Variants in CWF19L2 observed in about 807,000 individuals in gnomAD.
CWF19L2 encodes CWF19 like cell cycle control factor 2, also known as CWF19-like protein 2.
In CWF19L2, 98 loss-of-function variants were observed where a neutral mutation model predicts 111.7. That is an observed-to-expected ratio of 0.88 (90% CI 0.75 to 1.04). The LOEUF (loss-of-function observed/expected upper bound fraction) is 1.04. CWF19L2 is among the 50% of genes least tolerant of loss of function. The pLI, the probability that CWF19L2 is intolerant of heterozygous loss-of-function variation, is 0.00. For missense variants in CWF19L2, 1,101 were observed against 1,051.4 expected (o/e 1.05, Z -0.65); for synonymous variants, 351 against 342.9 (o/e 1.02, Z -0.26).
At position 107,371,012 on chromosome 11, in the gene CWF19L2, CTTTTTTTTT is replaced by C. The variant is rs577136063; in HGVS notation, c.1873-17285_1873-17277del. Among the ~76,000 whole-genome samples, 3 of 100,030 alleles carry C rather than the reference CTTTTTTTTT, an allele frequency of 3.0e-5. No homozygotes were observed. In the South Asian group the frequency reaches 1.1e-3, roughly 37 times the overall value. 65.6% of individuals were successfully genotyped at this position (100,030 alleles called of 152,430 possible). ...CACGATGTTAAGATTTCTAGTTTCTCTTTTTTTTTTTTTTTTTTTGAGACGGAGTCTCAC... is the reference window on the plus strand; with the variant it reads ...CACGATGTTAAGATTTCTAGTTTCTCTTTTTTTTTTGAGACGGAGTCTCAC... On this transcript the variant is annotated intron_variant, in intron 12 of 17. Coordinates refer to ENST00000282251, the MANE Select transcript of CWF19L2 (RefSeq NM_152434.3).
chr11:107,398,731 A>G (rs911112251), intron 10 of CWF19L2, among the ~76,000 whole-genome samples: 16 of 152,238 alleles, frequency 1.1e-4, no homozygotes, highest in African/African-American at 3.6e-4. Context: ...GCACACTGTC[A>G]TCAGGTTATC....
At chr11:107,441,843 T>A (rs535657798) in intron 4 of CWF19L2, among the ~76,000 whole-genome samples, 1 of 152,210 alleles carries the variant, frequency 6.6e-6, no homozygotes, top group Non-Finnish European at 1.5e-5. Context: ...CCTTTCAGGA[T>A]TGTTTTAAAG....
chr11:107,442,791 GAA>G (rs1491256555), intron 4 of CWF19L2, 146 bp downstream of exon 4: 4 of 268,990 alleles, frequency 1.5e-5, no homozygotes, highest in African/African-American at 1.9e-4. Context: ...AGGAAGGAAG[GAA>G]GGGAGGGAGG....
At chr11:107,403,829 T>A (rs1861041495) in intron 10 of CWF19L2, 1 of 825,498 alleles carries the variant, frequency 1.2e-6, no homozygotes. Flanking sequence ...CCTTTTAAGT[T>A]CATTGTTAAG....
rs957580112 is a variant in CWF19L2 at position 107,392,854 on chromosome 11, C to G, written c.1659G>C (p.Gln553His). Reference sequence around the variant, plus strand: ...TGTTCACAGGCCATACTCTTCCAGACTGATCTGTTCTGACAAGGATTACTT... The same window carrying G: ...TGTTCACAGGCCATACTCTTCCAGAGTGATCTGTTCTGACAAGGATTACTT... ...QQEVILVRTD[Q>H]SGRVWPVNTP... Residue 553 changes from glutamine to histidine, a missense_variant, in exon 11 of 18, where the codon CAG becomes CAC. Physicochemically the swap from Gln to His is conservative, Grantham distance 24 (BLOSUM62 0). Coordinates refer to ENST00000282251, the MANE Select transcript of CWF19L2 (RefSeq NM_152434.3). 1.3e-6 allele frequency: 2 copies of G among 1,585,490 alleles called. No homozygotes were observed. The highest frequency in any genetic ancestry group is 1.7e-6 in the Non-Finnish European group (2 of 1,171,112).
chr11:107,351,270 T>C (rs903372723), intron 13 of CWF19L2, among the ~76,000 whole-genome samples: 2 of 151,952 alleles, frequency 1.3e-5, no homozygotes, highest in Admixed American at 1.3e-4. Flanking sequence ...AATTTAGAAA[T>C]GGACAGTAAG....
In CWF19L2 at chr11:107,429,074, A is replaced by T. The variant is rs996737688; in HGVS notation, c.1158T>A (p.Phe386Leu). ...ELSFHSKGRK[F>L]EPLSSSSALV... ...ATGCTGAAGATGAACTAAGTGGTTCAAATTTTCTGCCCTTGCTGTGAAATG... is the reference window on the plus strand; with the variant it reads ...ATGCTGAAGATGAACTAAGTGGTTCTAATTTTCTGCCCTTGCTGTGAAATG... The change falls in exon 8 of 18, where the codon TTT becomes TTA. Residue 386 changes from phenylalanine (F) to leucine (L), a missense_variant. Transcript: ENST00000282251. 1 of 1,613,882 alleles carries T rather than the reference A, an allele frequency of 6.2e-7. No homozygotes were observed. Among genetic ancestry groups the T allele is most frequent in the Non-Finnish European group, 8.5e-7 (1 of 1,179,828 alleles).
rs1434768755 is a variant in CWF19L2, at chr11:107,375,535, G to A, written c.1872+14539C>T. ...CCTGAATGACTACTGGGTACATAAC[G>A]AAATGAAGGCAGAAATAAAGATGTT... is the stretch of plus-strand genomic sequence containing the variant. On this transcript the variant is annotated intron_variant, in intron 12 of 17. Transcript: ENST00000282251. Among the ~76,000 whole-genome samples the A allele has an allele frequency of 2.9e-5, 4 of 137,388 alleles. 1 individual carries two copies. Among genetic ancestry groups the A allele is most frequent in the South Asian group, 2.5e-4 (1 of 3,982 alleles). 90.1% of individuals were successfully genotyped at this position (137,388 alleles called of 152,430 possible). A position where few individuals can be genotyped will look rare whatever the true frequency, so the allele number is the denominator to read the frequency against.
chr11:107,420,733 C>T (rs1009323008), intron 8 of CWF19L2, among the ~76,000 whole-genome samples: 5 of 151,962 alleles, frequency 3.3e-5, no homozygotes, highest in Non-Finnish European at 7.4e-5. Context: ...CTAACAACAA[C>T]AACCAATAAC....
Position 107,455,769 on chromosome 11 carries a change from G to T in CWF19L2, c.113C>A (p.Ala38Asp), listed in dbSNP as rs775848799. ...ACGCCTTTCTTCTTTTTCAAAATTG[G>T]CTTTAGCCTACAACCAAAGAAAAAA... Reference protein sequence around the residue: ...ARAEVLRQAKANFEKEERRKE... With the variant: ...ARAEVLRQAKDNFEKEERRKE... The change falls in exon 2 of 18, where the codon GCC (alanine) becomes GAC (aspartate). Residue 38 changes from alanine (A) to aspartate (D), a missense_variant. Ala to Asp is a moderately radical substitution (Grantham distance 126, BLOSUM62 -2). Transcript: ENST00000282251. The T allele has an allele frequency of 6.5e-7, 1 of 1,547,684 alleles. No homozygotes were observed. The highest frequency in any genetic ancestry group is 2.0e-5 in the Admixed American group (1 of 50,762).
At chr11:107,409,490 A>G (rs1011689795) in intron 10 of CWF19L2, among the ~76,000 whole-genome samples, 1 of 152,144 alleles carries the variant, frequency 6.6e-6, no homozygotes, top group South Asian at 2.1e-4. Flanking sequence ...ATTCTTTGTT[A>G]CAAATGTTGA....
chr11:107,353,201 A>G (rs1464126286), intron 13 of CWF19L2, among the ~76,000 whole-genome samples: 2 of 152,202 alleles, frequency 1.3e-5, no homozygotes, highest in East Asian at 3.9e-4. Flanking sequence ...AAGGTCTAAA[A>G]GTCTGAGTCT....
At chr11:107,363,404 G>A (rs185689836) in intron 12 of CWF19L2, among the ~76,000 whole-genome samples, 2,338 of 152,170 alleles carry the variant, frequency 0.015, 62 homozygotes, top group African/African-American at 0.053. Context: ...AAGGAAAAAT[G>A]TTAAGGGCAG....
rs911497331 is a variant in CWF19L2, at chr11:107,373,863, A to C, written c.1872+16211T>G. ...CTCGAACCAAAGGCAAAGAAGTTGA[A>C]AACTTTGAAAAAAATTTAGCAGAAT... is the stretch of plus-strand genomic sequence containing the variant. On this transcript the variant is annotated intron_variant, in intron 12 of 17. Transcript: ENST00000282251. Among the ~76,000 whole-genome samples, 36 of 133,392 alleles carry C rather than the reference A, an allele frequency of 2.7e-4. 4 individuals carry two copies. Among genetic ancestry groups the C allele is most frequent in the African/African-American group, 1.0e-3 (34 of 33,240 alleles). 87.5% of individuals were successfully genotyped at this position (133,392 alleles called of 152,430 possible).
At position 107,429,033 on chromosome 11, in the gene CWF19L2, G is replaced by C. The variant is rs1861422468; in HGVS notation, c.1199C>G (p.Ser400Cys). 6.2e-7 allele frequency: 1 copy of C among 1,613,778 alleles called. No individual in the cohort carries two copies. Among genetic ancestry groups the C allele is most frequent in the Non-Finnish European group, 8.5e-7 (1 of 1,179,796 alleles). ...SSSSALVAQGSLCSGFRKPTK... is the reference protein window; with the variant it reads ...SSSSALVAQGCLCSGFRKPTK... Reference sequence around the variant, plus strand: ...GGGTTTTCTAAAACCACTACACAAAGAGCCCTGAGCTACCAATGCTGAAGA... The same window carrying C: ...GGGTTTTCTAAAACCACTACACAAACAGCCCTGAGCTACCAATGCTGAAGA... Residue 400 changes from serine to cysteine, a missense_variant, in exon 8 of 18, where the codon TCT becomes TGT. Coordinates refer to ENST00000282251, the MANE Select transcript of CWF19L2 (RefSeq NM_152434.3).
intron 7 of CWF19L2, among the ~76,000 whole-genome samples, chr11:107,430,636 G>A (rs1490623297): frequency 2.0e-5 from 3 of 152,136 alleles, no homozygotes; most frequent in African/African-American, 7.2e-5. Context: ...AACTGTTCTT[G>A]TAGTTGCAAA....
intron 10 of CWF19L2, among the ~76,000 whole-genome samples, chr11:107,405,917 T>C (rs1861071142): frequency 6.6e-6 from 1 of 151,102 alleles, no homozygotes; most frequent in Non-Finnish European, 1.5e-5. Context: ...GAAAGGCAAT[T>C]ATACTATTTG....
intron 14 of CWF19L2, among the ~76,000 whole-genome samples, chr11:107,337,687 G>A (rs916530227): frequency 2.0e-5 from 3 of 152,004 alleles, no homozygotes; most frequent in Admixed American, 2.0e-4. Context: ...GGCCGAGGTG[G>A]GTAGGTCACC....
intron 12 of CWF19L2, among the ~76,000 whole-genome samples, chr11:107,384,395 A>G (rs1356996262): frequency 2.0e-5 from 3 of 152,164 alleles, no homozygotes; most frequent in Non-Finnish European, 4.4e-5. Flanking sequence ...CCTGAAGGTA[A>G]TTTTATACAA....
Sources: gnomAD v4.1 joint callset for allele counts (sites outside exome capture counted in the v4.1 genomes callset) on GRCh38, gnomAD v4.1.1 for gene constraint, MANE v1.5 for transcripts, NCBI Gene and HGNC (gene_info 2026-07-23, HGNC 2026-07-21) for gene names.